Variants in CNTN5 observed in about 807,000 individuals in gnomAD.
CNTN5 encodes the protein contactin-5.
Under a neutral mutation model 129.1 loss-of-function variants are expected in CNTN5, and 77 were observed. The observed-to-expected ratio is 0.60, with a 90% confidence interval of 0.50 to 0.72. CNTN5 has a LOEUF of 0.72. Ranked by LOEUF, CNTN5 falls within the 30% of genes least tolerant of loss-of-function variation. CNTN5 has a pLI of 0.00. For missense variants in CNTN5, 1,478 were observed against 1,328.8 expected (o/e 1.11, Z -1.75); for synonymous variants, 509 against 465.6 (o/e 1.09, Z -1.20).
chr11:99,408,725 CA>C (rs1193052342), intron 2 of CNTN5, among the ~76,000 whole-genome samples: 1 of 151,940 alleles, frequency 6.6e-6, no homozygotes, highest in African/African-American at 2.4e-5. Context: ...ATTTAACCTC[CA>C]AAAAAATAAA....
In CNTN5 at chr11:99,684,156, G is replaced by T. The variant is rs554938025; in HGVS notation, c.55+127887G>T. Among the ~76,000 whole-genome samples, 11 of 151,760 alleles carry T rather than the reference G, an allele frequency of 7.2e-5. No homozygotes were observed. The South Asian group carries it at 2.3e-3, about 32-fold the overall frequency. On this transcript the variant is annotated intron_variant, in intron 3 of 24. Coordinates refer to ENST00000524871, the MANE Select transcript of CNTN5 (RefSeq NM_014361.4). ...TGTTTCTATGAGTTTGACTTCTTTA[G>T]ATTCTGCATGTAAATGAGATCATGT...
chr11:99,044,679 C>A (rs12285233), intron 1 of CNTN5, among the ~76,000 whole-genome samples: 2,052 of 152,236 alleles, frequency 0.013, 49 homozygotes, highest in African/African-American at 0.047. Flanking sequence ...GGATAATTCT[C>A]GTTGGCTGTC....
chr11:100,154,587 G>A (rs1465524777), intron 13 of CNTN5, among the ~76,000 whole-genome samples: 1 of 152,116 alleles, frequency 6.6e-6, no homozygotes, highest in Non-Finnish European at 1.5e-5. Context: ...CGATCCTTGA[G>A]GAATCGCCAC....
chr11:99,848,762 T>G lies in CNTN5; in HGVS notation c.577+3500T>G, dbSNP rs114214320. Among the ~76,000 whole-genome samples the G allele has an allele frequency of 5.4e-3, 825 of 152,280 alleles. 6 individuals carry two copies. The highest frequency in any genetic ancestry group is 0.019 in the African/African-American group (793 of 41,572). ...TATGTTGTAAAATACCTTTTTAGAT[T>G]ATTTTTATGCTGGGCTAGTGCTATC... On this transcript the variant is annotated intron_variant, in intron 6 of 24. Coordinates refer to ENST00000524871, the MANE Select transcript of CNTN5 (RefSeq NM_014361.4).
intron 2 of CNTN5, among the ~76,000 whole-genome samples, chr11:99,553,652 T>C (rs1259115027): frequency 6.6e-6 from 1 of 151,934 alleles, no homozygotes; most frequent in African/African-American, 2.4e-5. Context: ...GTAAGTGAGG[T>C]GATGGATATC....
chr11:100,315,836 T>C (rs1376461606), intron 21 of CNTN5, among the ~76,000 whole-genome samples: 1 of 152,198 alleles, frequency 6.6e-6, no homozygotes, highest in African/African-American at 2.4e-5. Context: ...AATTTTATGG[T>C]AGCAGGGACT....
intron 1 of CNTN5, among the ~76,000 whole-genome samples, chr11:99,240,227 C>T (rs1427745767): frequency 6.6e-6 from 1 of 152,058 alleles, no homozygotes; most frequent in Non-Finnish European, 1.5e-5. Flanking sequence ...CTTTAAATTT[C>T]ATAGGATTTT....
intron 3 of CNTN5, among the ~76,000 whole-genome samples, chr11:99,566,171 G>A (rs988693576): frequency 6.6e-6 from 1 of 152,212 alleles, no homozygotes; most frequent in East Asian, 1.9e-4. Context: ...TCTTGGTAAT[G>A]GGTGAGTTCT....
intron 15 of CNTN5, among the ~76,000 whole-genome samples, chr11:100,200,147 A>G (rs1008146788): frequency 2.0e-5 from 3 of 151,886 alleles, no homozygotes; most frequent in Non-Finnish European, 4.4e-5. Context: ...ACAGTCTGTT[A>G]TTGGGAGACC....
chr11:99,193,919 T>C (rs1858772594), intron 1 of CNTN5, among the ~76,000 whole-genome samples: 1 of 152,086 alleles, frequency 6.6e-6, no homozygotes, highest in African/African-American at 2.4e-5. Flanking sequence ...TCATAAGAGG[T>C]AAAGAAAACA....
Position 100,291,990 on chromosome 11 carries a change from T to C in CNTN5, c.2315-5635T>C, listed in dbSNP as rs181670071. On this transcript the variant is annotated intron_variant, in intron 18 of 24. Coordinates refer to ENST00000524871, the MANE Select transcript of CNTN5 (RefSeq NM_014361.4). ...GCCTCAAATAAATCCTAAGCACTTT[T>C]ACGTACTAGAGCAGTCGCATTTTCA... Among the ~76,000 whole-genome samples, 141 of 151,996 alleles carry C rather than the reference T, an allele frequency of 9.3e-4. 1 individual carries two copies. The Middle Eastern group carries it at 0.014, about 15-fold the overall frequency.
chr11:99,867,331 T>G (rs542013770), intron 6 of CNTN5, among the ~76,000 whole-genome samples: 15 of 152,342 alleles, frequency 9.8e-5, no homozygotes, highest in Middle Eastern at 3.4e-3. Context: ...CTGGATTCTA[T>G]CATAAGAACC....
At chr11:99,988,054 C>T (rs1031083154) in intron 8 of CNTN5, among the ~76,000 whole-genome samples, 27 of 152,282 alleles carry the variant, frequency 1.8e-4, no homozygotes, top group African/African-American at 6.5e-4. Flanking sequence ...TCAGCATTCC[C>T]CCTCTGAAAA....
intron 2 of CNTN5, among the ~76,000 whole-genome samples, chr11:99,524,014 T>C (rs984449925): frequency 1.3e-5 from 2 of 152,220 alleles, no homozygotes; most frequent in African/African-American, 2.4e-5. Flanking sequence ...TTTCTTTTTT[T>C]TCTGGCTGAA....
intron 9 of CNTN5, among the ~76,000 whole-genome samples, chr11:100,018,614 A>C (rs1940957101): frequency 6.6e-6 from 1 of 151,970 alleles, no homozygotes; most frequent in African/African-American, 2.4e-5. Flanking sequence ...TATTACCATA[A>C]ATCTTCCATG....
chr11:100,353,132 A>C (rs2139044097), intron 24 of CNTN5, among the ~76,000 whole-genome samples: 1 of 151,732 alleles, frequency 6.6e-6, no homozygotes. Flanking sequence ...TCTCCCATTT[A>C]TATTTTAAAT....
intron 13 of CNTN5, among the ~76,000 whole-genome samples, chr11:100,110,464 A>AT (rs1195069249): frequency 1.3e-5 from 2 of 152,024 alleles, no homozygotes; most frequent in African/African-American, 4.8e-5. Flanking sequence ...AATTTTCTGA[A>AT]TTTTTTAAAA....
chr11:100,188,889 T>C (rs571067125), intron 13 of CNTN5, among the ~76,000 whole-genome samples: 12 of 152,284 alleles, frequency 7.9e-5, no homozygotes, highest in African/African-American at 2.9e-4. Context: ...TGTGGAATAC[T>C]AGCCAGCCAT....
intron 3 of CNTN5, among the ~76,000 whole-genome samples, chr11:99,794,052 C>T (rs1011161135): frequency 6.6e-6 from 1 of 152,158 alleles, no homozygotes; most frequent in Non-Finnish European, 1.5e-5. Flanking sequence ...TTATCTGCAT[C>T]TCTCCATAGG....
Sources: allele counts gnomAD v4.1 joint callset (sites outside exome capture counted in the v4.1 genomes callset), GRCh38; gene constraint gnomAD v4.1.1; transcripts MANE v1.5; gene names NCBI Gene and HGNC (gene_info 2026-07-23, HGNC 2026-07-21).